The following ERI2 variants were observed in gnomAD, a reference collection of about 807,000 sequenced individuals.
ERI2 encodes the protein ERI1 exoribonuclease family member 2, also known as ERI1 exoribonuclease 2.
ERI2 carries 35 observed loss-of-function variants against 46.8 expected under a neutral mutation model. The observed-to-expected ratio is 0.75, with a 90% CI of 0.57 to 0.99. The LOEUF (loss-of-function observed/expected upper bound fraction) is 0.99, where lower values mean the gene tolerates loss of function less well. Among genes scored for constraint, ERI2 ranks in the 50% least tolerant of loss-of-function variants. The pLI is 0.00. For synonymous variants in ERI2, 224 were observed against 271.0 expected, an observed-to-expected ratio of 0.83 and a Z score of 1.70; for missense variants, 695 against 796.2, an observed-to-expected ratio of 0.87 and a Z score of 1.53.
chr16:20,790,525 A>T lies in ERI2; in HGVS notation c.815+325T>A. 1 of 1,459,708 alleles carries T rather than the reference A, an allele frequency of 6.9e-7. No individual in the cohort carries two copies. Among genetic ancestry groups the T allele is most frequent in the Non-Finnish European group, 9.5e-7 (1 of 1,057,802 alleles). The allele number at this position is 1,459,708 out of a possible 1,614,324, so 90.4% of individuals were successfully genotyped here. A position where few individuals can be genotyped will look rare whatever the true frequency, so the allele number is the denominator to read the frequency against. The stretch of plus-strand genomic sequence containing the variant: ...AAGCCAAAATAAAACTTGCAAAGTT[A>T]ATATTTAAGCTGCGACATTAAACAA... On this transcript the variant is annotated intron_variant, in intron 9 of 10. Transcript: ENST00000300005. The surrounding 1 kb of genome is among the most constrained non-coding windows in gnomAD (Gnocchi z 4.0).
At chr16:20,799,464 T>G (rs922448225) in intron 7 of ERI2, 113 bp from the exon 8 acceptor site, 35 of 1,028,914 alleles carry the variant, frequency 3.4e-5, no homozygotes, top group Middle Eastern at 2.1e-4. Flanking sequence ...GGAACACAGT[T>G]TTAGTTTTAT....
intron 1 of ERI2, among the ~76,000 whole-genome samples, chr16:20,804,790 A>G (rs888526077): frequency 5.3e-5 from 8 of 152,236 alleles, no homozygotes; most frequent in South Asian, 2.1e-4. Flanking sequence ...CACCTCCTGT[A>G]GTTTTCTGTG....
chr16:20,788,876 T>C (rs1422463188), intron 10 of ERI2, among the ~76,000 whole-genome samples: 1 of 152,202 alleles, frequency 6.6e-6, no homozygotes, highest in African/African-American at 2.4e-5. Flanking sequence ...TATATTTTTT[T>C]ATTTGCAAGA....
intron 10 of ERI2, chr16:20,785,098 G>C (rs373248833): frequency 1.9e-5 from 30 of 1,613,062 alleles, no homozygotes; most frequent in Non-Finnish European, 2.5e-5. Context: ...GATATGGACA[G>C]ACTGAAACGG....
chr16:20,788,544 T>G (rs2080524738), intron 10 of ERI2, among the ~76,000 whole-genome samples: 1 of 152,206 alleles, frequency 6.6e-6, no homozygotes, highest in Non-Finnish European at 1.5e-5. Flanking sequence ...GGCTTCTTGT[T>G]CCTTAGCTAA....
Position 20,796,668 on chromosome 16 carries a change from T to C in ERI2, c.*1056A>G, listed in dbSNP as rs2080729995. 5 of 1,477,432 alleles carry C rather than the reference T, an allele frequency of 3.4e-6. No individual in the cohort carries two copies. Among genetic ancestry groups the C allele is most frequent in the Admixed American group, 2.8e-5 (1 of 35,758 alleles). 91.5% of individuals were successfully genotyped at this position (1,477,432 alleles called of 1,614,324 possible). A position where few individuals can be genotyped will look rare whatever the true frequency, so the allele number is the denominator to read the frequency against. On this transcript the variant is annotated 3_prime_UTR_variant, in exon 9 of 9. Coordinates refer to ENST00000357967, the MANE Select transcript of ERI2 (RefSeq NM_001142725.2). ...ATTAAAATGAAACCCTGAACCTATT[T>C]TGTTTGGTCCTTTGGCTTACTGGAC...
At position 20,790,922 on chromosome 16, in the gene ERI2, A is replaced by T. The variant is rs200587106; in HGVS notation, c.743T>A (p.Leu248His). ...ACTGTTCCAGGTCCACGAAGGCAAG[A>T]GGAAGGGACCCTAGAAAGAGGACAG... The change falls in exon 9 of 11, where the codon CTC becomes CAC. Residue 248 changes from leucine (L) to histidine (H), a missense_variant. Transcript: ENST00000300005. The surrounding 1 kb of genome is among the most constrained non-coding windows in gnomAD (Gnocchi z 4.0). 2.7e-5 allele frequency: 44 copies of T among 1,613,894 alleles called. No homozygotes were observed. Among genetic ancestry groups the T allele is most frequent in the Non-Finnish European group, 3.3e-5 (39 of 1,179,966 alleles).
In ERI2 at chr16:20,800,014, C is replaced by CTTT. The variant is rs1674195090; in HGVS notation, c.583_585dup (p.Lys195dup). 3 of 1,602,326 alleles carry CTTT rather than the reference C, an allele frequency of 1.9e-6. No homozygotes were observed. In the African/African-American group the frequency reaches 4.0e-5, roughly 21 times the overall value. ...ACTTCCTGCAAGGCACCACTTAGTC[C>CTTT]TTTTGGTTTTCTCCTATAGAAAAGC... On this transcript the variant is annotated inframe_insertion, in exon 7 of 9. Coordinates refer to ENST00000357967, the MANE Select transcript of ERI2 (RefSeq NM_001142725.2).
In ERI2 at chr16:20,803,584, A is replaced by C; in HGVS notation, c.91+19T>G. On this transcript the variant is annotated intron_variant, in intron 2 of 8. Coordinates refer to ENST00000357967, the MANE Select transcript of ERI2 (RefSeq NM_001142725.2). ...AATGCAAGGCTACAAAATGCAAAGA[A>C]ACTAAGCATACTACTCACTGGATTT... is the stretch of plus-strand genomic sequence containing the variant. 1 of 1,614,134 alleles carries C rather than the reference A, an allele frequency of 6.2e-7. No individual in the cohort carries two copies. Among genetic ancestry groups the C allele is most frequent in the Non-Finnish European group, 8.5e-7 (1 of 1,180,004 alleles).
rs1226782751 is a variant in ERI2 at position 20,798,781 on chromosome 16, C to G, written c.1019G>C (p.Gly340Ala). The change falls in exon 9 of 9, where the codon GGG (glycine) becomes GCG (alanine). Residue 340 changes from glycine to alanine, a missense_variant. By Grantham distance (60) the Gly-to-Ala change is moderately conservative. Coordinates refer to ENST00000357967, the MANE Select transcript of ERI2 (RefSeq NM_001142725.2). The part of the protein sequence containing the change: ...LFNTKSSTSV[G>A]QLQSPTLNSP... ...ATTCAAGGTAGGAGACTGCAACTGC[C>G]CCACAGAAGTAGAGGACTTAGTATT... is the stretch of plus-strand genomic sequence containing the variant. 1.9e-6 allele frequency: 3 copies of G among 1,551,532 alleles called. No homozygotes were observed. Among genetic ancestry groups the G allele is most frequent in the Non-Finnish European group, 2.6e-6 (3 of 1,146,888 alleles).
At chr16:20,792,728 C>A (rs533407688), downstream of ERI2, 1 of 985,228 alleles carries the variant, frequency 1.0e-6, no homozygotes, top group Non-Finnish European at 1.2e-6. Flanking sequence ...GGAGAATGGG[C>A]TGGCATCAGA....
At chr16:20,799,527 T>C (rs1038061049) in intron 7 of ERI2, 176 bp from the exon 8 acceptor site, 1 of 606,560 alleles carries the variant, frequency 1.6e-6, no homozygotes, top group Non-Finnish European at 2.8e-6. Context: ...TGGAAGGCTA[T>C]GGCAGCATTA....
chr16:20,794,475 T>C (rs548187356), downstream of ERI2, among the ~76,000 whole-genome samples: 1 of 152,284 alleles, frequency 6.6e-6, no homozygotes, highest in East Asian at 1.9e-4. Flanking sequence ...ACTGAGAGTA[T>C]TTAATCTTAT....
In ERI2 at chr16:20,798,703, G is replaced by T; in HGVS notation, c.1097C>A (p.Thr366Asn). The T allele has an allele frequency of 6.4e-7, 1 of 1,551,664 alleles. No homozygotes were observed. The highest frequency in any genetic ancestry group is 8.7e-7 in the Non-Finnish European group (1 of 1,146,938). ...QGKNEHLAFN[T>N]KSKASTVGSE... ...ACCAACTGTTGAAGCCTTAGATTTG[G>T]TATTAAATGCAAGATGTTCATTTTT... The change falls in exon 9 of 9, where the codon ACC becomes AAC. Residue 366 changes from threonine (T) to asparagine (N), a missense_variant. Thr to Asn is a moderately conservative substitution (Grantham distance 65). Coordinates refer to ENST00000357967, the MANE Select transcript of ERI2 (RefSeq NM_001142725.2).
At chr16:20,786,935 G>A (rs772451406) in intron 10 of ERI2, among the ~76,000 whole-genome samples, 20 of 152,140 alleles carry the variant, frequency 1.3e-4, no homozygotes, top group Admixed American at 5.9e-4. Context: ...AACTAGGCCC[G>A]AAGAGGCTTC....
chr16:20,784,802 T>C (rs1273245065), intron 10 of ERI2, among the ~76,000 whole-genome samples: 1 of 152,180 alleles, frequency 6.6e-6, no homozygotes, highest in Admixed American at 6.5e-5. Flanking sequence ...TCTTTATTTT[T>C]AATTTGTGTA....
chr16:20,796,058 G>A (rs2080716248), downstream of ERI2: 5 of 243,922 alleles, frequency 2.0e-5, no homozygotes, highest in South Asian at 3.9e-4. Flanking sequence ...TATAAAGACT[G>A]CATGTTCTCT....
intron 1 of ERI2, among the ~76,000 whole-genome samples, chr16:20,804,938 T>C (rs1479772584): frequency 1.3e-5 from 2 of 152,216 alleles, no homozygotes; most frequent in East Asian, 1.9e-4. Flanking sequence ...CTAGAAACTT[T>C]TCCTACCTAT....
Position 20,798,742 on chromosome 16 carries a change from A to T in ERI2, c.1058T>A (p.Met353Lys). 1 of 1,551,616 alleles carries T rather than the reference A, an allele frequency of 6.4e-7. No individual in the cohort carries two copies. The highest frequency in any genetic ancestry group is 8.7e-7 in the Non-Finnish European group (1 of 1,146,894). ...ATGTTCATTTTTTCCTTGCTTTTGC[A>T]TATAGATAGGTGAATTCAAGGTAGG... ...QSPTLNSPIY[M>K]QKQGKNEHLA... The change falls in exon 9 of 9, where the codon ATG becomes AAG. Residue 353 changes from methionine (M) to lysine (K), a missense_variant. Met to Lys is a moderately conservative substitution (Grantham distance 95). Transcript: ENST00000357967.
Sources: allele counts gnomAD v4.1 joint callset (sites outside exome capture counted in the v4.1 genomes callset), GRCh38; gene constraint gnomAD v4.1.1; non-coding constraint Gnocchi (gnomAD v3.1); transcripts MANE v1.5; gene names NCBI Gene and HGNC (gene_info 2026-07-23, HGNC 2026-07-21).